Variants in RNF114 observed in about 807,000 individuals in gnomAD.
RNF114 encodes the protein ring finger protein 114, also known as E3 ubiquitin-protein ligase RNF114.
A neutral mutation model predicts 28.4 loss-of-function variants in RNF114; 6 were observed. That is an observed-to-expected ratio of 0.21 (90% confidence interval 0.12 to 0.42). The LOEUF (loss-of-function observed/expected upper bound fraction) is 0.42, where lower values mean the gene tolerates loss of function less well. Ranked by LOEUF, RNF114 falls within the 10% of genes least tolerant of loss-of-function variation. The pLI is 1.00. For missense variants in RNF114, 249 were observed against 311.7 expected (o/e 0.80, Z 1.51); for synonymous variants, 115 against 116.7 (o/e 0.99, Z 0.09).
Position 49,946,154 on chromosome 20 carries a change from C to A in RNF114, c.417C>A (p.Tyr139Ter), listed in dbSNP as rs760408816. Reference sequence around the variant, plus strand: ...CTTCCAGGAATGTTCCAAACCGTTACACCTTTCCTTGTCCTTACTGTCCTG... The same window carrying A: ...CTTCCAGGAATGTTCCAAACCGTTAAACCTTTCCTTGTCCTTACTGTCCTG... ...SLQPRNVPNRYTFPCPYCPEK... is the reference protein window; with the variant it reads ...SLQPRNVPNR Residue 139 changes from tyrosine to a stop codon, truncating the protein, a stop_gained, in exon 4 of 6, where the codon TAC becomes TAA. Transcript: ENST00000244061. LOFTEE classifies it high-confidence loss of function. 1 of 1,602,646 alleles carries A rather than the reference C, an allele frequency of 6.2e-7. No homozygotes were observed. The highest frequency in any genetic ancestry group is 8.5e-7 in the Non-Finnish European group (1 of 1,175,442).
Position 49,952,396 on chromosome 20 carries a change from A to C in RNF114, c.*255A>C. 1 of 535,652 alleles carries C rather than the reference A, an allele frequency of 1.9e-6. No homozygotes were observed. The highest frequency in any genetic ancestry group is 3.3e-6 in the Non-Finnish European group (1 of 299,194). The allele number at this position is 535,652 out of a possible 1,614,324, so 33.2% of individuals were successfully genotyped here. ...GTCGAGTTCGTATTGGTTCTCGGCT[A>C]CTTCCTGGAGCTTCTGCCGCCTCCT... On this transcript the variant is annotated 3_prime_UTR_variant, in exon 6 of 6. Transcript: ENST00000244061.
chr20:49,950,217 C>CT (rs1240322653), intron 5 of RNF114, among the ~76,000 whole-genome samples: 4 of 151,774 alleles, frequency 2.6e-5, no homozygotes, highest in African/African-American at 9.7e-5. Context: ...TGCCACTGCA[C>CT]TCCAGCCTGG....
intron 4 of RNF114, among the ~76,000 whole-genome samples, chr20:49,947,370 C>G (rs1178728206): frequency 6.6e-6 from 1 of 152,068 alleles, no homozygotes; most frequent in Non-Finnish European, 1.5e-5. Context: ...CATACTGCTT[C>G]TCTTGAACTA....
intron 5 of RNF114, among the ~76,000 whole-genome samples, chr20:49,950,629 G>A (rs2090351569): frequency 6.7e-6 from 1 of 149,094 alleles, no homozygotes; most frequent in Admixed American, 6.8e-5. Context: ...GTTGCAGCAA[G>A]CTGAGATCAT....
At chr20:49,940,330 G>A (rs1386462212) in intron 1 of RNF114, among the ~76,000 whole-genome samples, 6 of 151,870 alleles carry the variant, frequency 4.0e-5, no homozygotes, top group Admixed American at 3.9e-4. Context: ...TCTGTAACAA[G>A]GTTCGAGGGT....
chr20:49,947,663 C>CT (rs961127150), intron 4 of RNF114, among the ~76,000 whole-genome samples: 1 of 148,654 alleles, frequency 6.7e-6, no homozygotes, highest in Non-Finnish European at 1.5e-5. Context: ...AATTTTCTGT[C>CT]TTTTTCCCCT....
At chr20:49,937,856 T>C (rs1416087793) in intron 1 of RNF114, among the ~76,000 whole-genome samples, 2 of 152,166 alleles carry the variant, frequency 1.3e-5, no homozygotes, top group Non-Finnish European at 2.9e-5. Context: ...TGGCCATATC[T>C]TTATTGCCCC....
chr20:49,941,882 G>T, intron 2 of RNF114, 171 bp downstream of exon 2: 2 of 581,370 alleles, frequency 3.4e-6, no homozygotes, highest in South Asian at 2.6e-5. Flanking sequence ...TAACCTTACT[G>T]GTTTTTGTTT....
At chr20:49,942,674 AC>A (rs1480509773) in intron 2 of RNF114, among the ~76,000 whole-genome samples, 1 of 152,076 alleles carries the variant, frequency 6.6e-6, no homozygotes, top group East Asian at 1.9e-4. Flanking sequence ...AATACAAAAA[AC>A]TAGCAGGGCA....
intron 5 of RNF114, among the ~76,000 whole-genome samples, chr20:49,949,647 A>G (rs2090348025): frequency 6.6e-6 from 1 of 152,044 alleles, no homozygotes; most frequent in African/African-American, 2.4e-5. Context: ...CCAGAGTGAC[A>G]TTTATTTACT....
At chr20:49,940,635 G>A (rs13039965) in intron 1 of RNF114, among the ~76,000 whole-genome samples, 50,947 of 150,836 alleles carry the variant, frequency 0.34, 10,427 homozygotes, top group South Asian at 0.55. Flanking sequence ...GGATGGTCTC[G>A]ATCTCCTGAC....
chr20:49,945,945 C>A (rs1023464400), intron 3 of RNF114, among the ~76,000 whole-genome samples, 191 bp from the exon 4 acceptor site: 1 of 152,154 alleles, frequency 6.6e-6, no homozygotes, highest in African/African-American at 2.4e-5. Context: ...CGATTACAGG[C>A]GTAAACCACC....
rs2272966 is a variant in RNF114, at chr20:49,949,162, G to A, written c.514-86G>A. The A allele has an allele frequency of 1.1e-4, 117 of 1,065,826 alleles. 1 individual carries two copies. The East Asian group carries it at 2.8e-3, about 25-fold the overall frequency. The allele number at this position is 1,065,826 out of a possible 1,614,324, so 66.0% of individuals were successfully genotyped here. On this transcript the variant is annotated intron_variant, in intron 4 of 5. Transcript: ENST00000244061. ...GACAGTATGTCAGGAAAGCTGTCCTGGAAGAAAGGAGGCCAGACACAGGCC... is the reference window on the plus strand; with the variant it reads ...GACAGTATGTCAGGAAAGCTGTCCTAGAAGAAAGGAGGCCAGACACAGGCC...
chr20:49,943,875 T>TAG (rs918991698), intron 2 of RNF114: 3 of 114,102 alleles, frequency 2.6e-5, no homozygotes, highest in African/African-American at 6.5e-5. Flanking sequence ...CACACAGAGA[T>TAG]ATATATATAT....
intron 5 of RNF114, among the ~76,000 whole-genome samples, chr20:49,950,487 C>T (rs550426679): frequency 6.6e-6 from 1 of 151,906 alleles, no homozygotes; most frequent in Non-Finnish European, 1.5e-5. Context: ...TCGAGACCAG[C>T]CTGGGCAACA....
chr20:49,946,039 G>T, intron 3 of RNF114, 97 bp from the exon 4 acceptor site: 1 of 595,736 alleles, frequency 1.7e-6, no homozygotes, highest in East Asian at 2.9e-5. Context: ...TTACACATTT[G>T]GTGAGCTTTG....
At chr20:49,940,866 C>T (rs955036069) in intron 1 of RNF114, among the ~76,000 whole-genome samples, 5 of 152,078 alleles carry the variant, frequency 3.3e-5, no homozygotes, top group Admixed American at 6.6e-5. Context: ...CTCAGCCTCC[C>T]GAGTAGCTGG....
intron 4 of RNF114, among the ~76,000 whole-genome samples, chr20:49,948,653 G>A (rs2090344563): frequency 6.6e-6 from 1 of 152,088 alleles, no homozygotes; most frequent in Non-Finnish European, 1.5e-5. Context: ...GGCCAGGCTG[G>A]TCTCAAACTC....
intron 5 of RNF114, among the ~76,000 whole-genome samples, chr20:49,950,089 A>G (rs1374591755): frequency 1.3e-5 from 2 of 151,976 alleles, no homozygotes; most frequent in African/African-American, 4.8e-5. Flanking sequence ...GTCTTTACTA[A>G]AAATACAAAA....
Sources: allele counts gnomAD v4.1 joint callset (sites outside exome capture counted in the v4.1 genomes callset), GRCh38; gene constraint gnomAD v4.1.1; transcripts MANE v1.5; gene names NCBI Gene and HGNC (gene_info 2026-07-23, HGNC 2026-07-21).